Variants in PKIB observed in about 807,000 individuals in gnomAD.
PKIB encodes the protein PKI-beta.
A neutral mutation model predicts 4.5 loss-of-function variants in PKIB; 2 were observed. That is an observed-to-expected ratio of 0.44 (90% confidence interval 0.18 to 1.39). The LOEUF is 1.39. Among genes scored for constraint, PKIB ranks in the 40% most tolerant of loss-of-function variants. PKIB has a pLI of 0.27. For missense variants in PKIB, 94 were observed against 92.6 expected (o/e 1.02, Z -0.06); for synonymous variants, 38 against 36.0 (o/e 1.06, Z -0.20).
chr6:122,651,144 T>C (rs1486620695), intron 2 of PKIB, among the ~76,000 whole-genome samples: 1 of 152,178 alleles, frequency 6.6e-6, no homozygotes, highest in East Asian at 1.9e-4. Context: ...TTCAAGTCCT[T>C]GATGGTGGCA....
chr6:122,711,725 A>T (rs1384461445), intron 3 of PKIB, among the ~76,000 whole-genome samples: 1 of 152,190 alleles, frequency 6.6e-6, no homozygotes, highest in Non-Finnish European at 1.5e-5. Context: ...TTATGTTAGT[A>T]TAAGAAGTAA....
rs920295324 is a variant in PKIB at position 122,664,434 on chromosome 6, C to T, written c.-75-10644C>T. On this transcript the variant is annotated intron_variant, in intron 2 of 4. Coordinates refer to ENST00000368452, the MANE Select transcript of PKIB (RefSeq NM_181795.3). The stretch of plus-strand genomic sequence containing the variant: ...TTTACTTATTTATTTATTTTAGAGA[C>T]GGGTTTTTCTCTATCACCAGGCTGG... 3.3e-5 allele frequency among the ~76,000 whole-genome samples: 5 copies of T among 152,044 alleles called. No individual in the cohort carries two copies. The East Asian group carries it at 7.7e-4, about 23-fold the overall frequency.
chr6:122,614,502 TG>T (rs1562270612), intron 1 of PKIB, among the ~76,000 whole-genome samples: 1 of 152,104 alleles, frequency 6.6e-6, no homozygotes, highest in Admixed American at 6.6e-5. Flanking sequence ...CTTATCCCCG[TG>T]GGGGTGTGGG....
rs1388506743 is a variant in PKIB, at chr6:122,725,925, T to A, written c.*730T>A. Reference sequence around the variant, plus strand: ...CTGTGTATGTGTGTGTGTTTTACTTTAATATGAATTATACAAAATACTAGT... The same window carrying A: ...CTGTGTATGTGTGTGTGTTTTACTTAAATATGAATTATACAAAATACTAGT... On this transcript the variant is annotated 3_prime_UTR_variant, in exon 5 of 5. Transcript: ENST00000368452. 6.6e-6 allele frequency: 1 copy of A among 152,166 alleles called. No individual in the cohort carries two copies. The highest frequency in any genetic ancestry group is 1.5e-5 in the Non-Finnish European group (1 of 68,022). 9.4% of individuals were successfully genotyped at this position (152,166 alleles called of 1,614,324 possible).
intron 2 of PKIB, among the ~76,000 whole-genome samples, chr6:122,569,202 A>C (rs563170559): frequency 3.9e-5 from 6 of 152,258 alleles, no homozygotes; most frequent in Non-Finnish European, 1.5e-5. Context: ...ATAGCTTAAC[A>C]CAAAGAACAT....
intron 2 of PKIB, among the ~76,000 whole-genome samples, chr6:122,578,130 T>C (rs1773603200): frequency 6.6e-6 from 1 of 151,830 alleles, no homozygotes; most frequent in South Asian, 2.1e-4. Flanking sequence ...TAGAAGGAAA[T>C]GTAGATAGAA....
intron 3 of PKIB, among the ~76,000 whole-genome samples, chr6:122,604,242 G>C (rs1387563636): frequency 6.6e-6 from 1 of 152,200 alleles, no homozygotes; most frequent in Non-Finnish European, 1.5e-5. Context: ...TTAAGGGCAT[G>C]TCAAAAACTT....
chr6:122,666,847 T>C (rs897843586), intron 2 of PKIB, among the ~76,000 whole-genome samples: 4 of 152,232 alleles, frequency 2.6e-5, no homozygotes, highest in Non-Finnish European at 5.9e-5. Context: ...CTACTACTAG[T>C]ATTAAGTCCA....
intron 2 of PKIB, among the ~76,000 whole-genome samples, chr6:122,670,511 T>C (rs1275775293): frequency 3.7e-5 from 5 of 135,408 alleles, no homozygotes; most frequent in African/African-American, 1.3e-4. Flanking sequence ...GTTGTTGTTG[T>C]TGTTGTTGTT....
At chr6:122,529,211 G>A (rs1435091727) in intron 2 of PKIB, among the ~76,000 whole-genome samples, 1 of 151,738 alleles carries the variant, frequency 6.6e-6, no homozygotes, top group Non-Finnish European at 1.5e-5. Flanking sequence ...ATTTCCTTTT[G>A]GATATATTAC....
chr6:122,707,869 G>A (rs1297225365), intron 3 of PKIB, among the ~76,000 whole-genome samples: 1 of 152,124 alleles, frequency 6.6e-6, no homozygotes, highest in Non-Finnish European at 1.5e-5. Flanking sequence ...TTACTGGATA[G>A]CGGGATGGCA....
chr6:122,599,973 ATATATCTATATCTATATCTATATC>A lies in PKIB; in HGVS notation c.-161+14001_-161+14024del, dbSNP rs72488702. On this transcript the variant is annotated intron_variant, in intron 3 of 6. Coordinates refer to the PKIB transcript ENST00000392491. Reference sequence around the variant, plus strand: ...ATTTTACAGGGACAGAACTAATAGGATATATCTATATCTATATCTATATCTATATCTATATCTATATCTATATCT... The same window carrying A: ...ATTTTACAGGGACAGAACTAATAGGATATATCTATATCTATATCTATATCT... Among the ~76,000 whole-genome samples, 332 of 146,940 alleles carry A rather than the reference ATATATCTATATCTATATCTATATC, an allele frequency of 2.3e-3. 3 individuals carry two copies. Among genetic ancestry groups the A allele is most frequent in the African/African-American group, 7.7e-3 (307 of 39,726 alleles).
chr6:122,705,358 TA>T (rs756702036), intron 3 of PKIB, among the ~76,000 whole-genome samples: 15 of 152,166 alleles, frequency 9.9e-5, no homozygotes, highest in Non-Finnish European at 8.8e-5. Context: ...CACACAGAAT[TA>T]ATAGCCATCA....
intron 2 of PKIB, among the ~76,000 whole-genome samples, chr6:122,488,284 G>A (rs554301256): frequency 6.6e-6 from 1 of 151,984 alleles, no homozygotes; most frequent in South Asian, 2.1e-4. Context: ...ATAGATTTCT[G>A]TTTATTTAAT....
intron 2 of PKIB, among the ~76,000 whole-genome samples, chr6:122,667,182 T>G (rs1386843033): frequency 2.6e-5 from 4 of 152,234 alleles, no homozygotes; most frequent in Non-Finnish European, 5.9e-5. Context: ...GACTTAACTT[T>G]TTTCAATTTA....
chr6:122,505,598 T>C (rs1776373715), intron 2 of PKIB, among the ~76,000 whole-genome samples: 1 of 152,232 alleles, frequency 6.6e-6, no homozygotes, highest in South Asian at 2.1e-4. Context: ...AGTCCATTAG[T>C]AGTTTTGGTG....
In PKIB at chr6:122,602,425, A is replaced by G. The variant is rs149356448; in HGVS notation, c.-161+16418A>G. ...GAATCATAAGATGCATCTTAGCCTC[A>G]ATGTTCTGAGAAATGTTGATGCCAG... On this transcript the variant is annotated intron_variant, in intron 3 of 6. Transcript: ENST00000392491. Among the ~76,000 whole-genome samples the G allele has an allele frequency of 6.0e-3, 912 of 152,330 alleles. 5 individuals carry two copies. The highest frequency in any genetic ancestry group is 0.036 in the South Asian group (176 of 4,826).
At chr6:122,697,018 T>C (rs946098157) in intron 3 of PKIB, among the ~76,000 whole-genome samples, 2 of 152,142 alleles carry the variant, frequency 1.3e-5, no homozygotes, top group Non-Finnish European at 2.9e-5. Flanking sequence ...TGTCTACTGA[T>C]GGCCTGGGGG....
chr6:122,725,908 G>C lies in PKIB; in HGVS notation c.*713G>C, dbSNP rs1318993787. ...TCTTCCCTAACTTTGGTCTGTGTAT[G>C]TGTGTGTGTTTTACTTTAATATGAA... On this transcript the variant is annotated 3_prime_UTR_variant, in exon 5 of 5. Transcript: ENST00000368452. 6.6e-6 allele frequency: 1 copy of C among 152,038 alleles called. No homozygotes were observed. The highest frequency in any genetic ancestry group is 2.4e-5 in the African/African-American group (1 of 41,406). The allele number at this position is 152,038 out of a possible 1,614,324, so 9.4% of individuals were successfully genotyped here.
Sources: allele counts gnomAD v4.1 joint callset (sites outside exome capture counted in the v4.1 genomes callset), GRCh38; gene constraint gnomAD v4.1.1; transcripts MANE v1.5; gene names NCBI Gene and HGNC (gene_info 2026-07-23, HGNC 2026-07-21).